Variants in DMD observed in about 807,000 individuals in gnomAD.
DMD encodes the protein dystrophin, also known as mutant dystrophin.
Under a neutral mutation model 330.1 loss-of-function variants are expected in DMD, and 63 were observed. That is an observed-to-expected ratio of 0.19 (90% CI 0.16 to 0.24). The LOEUF (loss-of-function observed/expected upper bound fraction) is 0.24. Among genes scored for constraint, DMD ranks in the 10% least tolerant of loss-of-function variants. The probability of loss-of-function intolerance (pLI) is 1.00; values close to 1 mark genes in which losing one functional copy is unlikely to be tolerated. For synonymous variants in DMD, 1,223 were observed against 959.8 expected, an observed-to-expected ratio of 1.27 and a Z score of -5.07; for missense variants, 3,344 against 2,684.1, an observed-to-expected ratio of 1.25 and a Z score of -5.43.
At chrX:33,023,829 A>T (rs2093955165) in intron 1 of DMD, among the ~76,000 whole-genome samples, 1 of 111,604 alleles carries the variant, frequency 9.0e-6, no homozygotes, top group Non-Finnish European at 1.9e-5. Context: ...ATAGTTTCAT[A>T]GAGTTCACTG....
rs186300831 is a variant in DMD, at chrX:32,672,445, C to G, written c.960+25425G>C. ...TATATTATTAAATCATGGGAAAACA[C>G]TGAACTCTTTCAAATACTACCATAA... On this transcript the variant is annotated intron_variant, in intron 9 of 78. Coordinates refer to ENST00000357033, the MANE Select transcript of DMD (RefSeq NM_004006.3). Among the ~76,000 whole-genome samples the G allele has an allele frequency of 3.6e-3, 396 of 111,304 alleles. 5 individuals are homozygous for G. The highest frequency in any genetic ancestry group is 0.03 in the Admixed American group (305 of 10,329).
intron 44 of DMD, among the ~76,000 whole-genome samples, chrX:32,054,088 T>TGAGA (rs751524877): frequency 0.024 from 1,649 of 69,499 alleles, 26 homozygotes; most frequent in Non-Finnish European, 0.034. Flanking sequence ...TGTGTGTGTG[T>TGAGA]GAGAGAGAGA....
intron 29 of DMD, among the ~76,000 whole-genome samples, chrX:32,437,734 T>A (rs971690536): frequency 1.8e-5 from 2 of 112,669 alleles, no homozygotes; most frequent in South Asian, 3.6e-4. Flanking sequence ...AAACACTGAC[T>A]AGGAGAAATT....
At chrX:31,371,023 A>AG (rs901175204) in intron 60 of DMD, among the ~76,000 whole-genome samples, 18 of 110,828 alleles carry the variant, frequency 1.6e-4, no homozygotes, top group Non-Finnish European at 2.8e-4. Context: ...AGTAGGAGGT[A>AG]GGGGGGGCAG....
At chrX:32,994,443 A>G (rs1193553263) in intron 2 of DMD, among the ~76,000 whole-genome samples, 1 of 111,862 alleles carries the variant, frequency 8.9e-6, no homozygotes, top group Non-Finnish European at 1.9e-5. Context: ...TTATTTAACT[A>G]TTCTCTGCTT....
intron 43 of DMD, among the ~76,000 whole-genome samples, chrX:32,259,409 T>C (rs1603629467): frequency 9.0e-6 from 1 of 111,359 alleles, no homozygotes. Flanking sequence ...ATACCCTATA[T>C]TGTATAATTT....
chrX:31,214,937 C>CTTTTTTCTTTT (rs1556299261), intron 64 of DMD, among the ~76,000 whole-genome samples: 5 of 38,089 alleles, frequency 1.3e-4, no homozygotes, highest in Admixed American at 4.2e-4. Context: ...TTTCTTTTTT[C>CTTTTTTCTTTT]TTTTTTTTTT....
chrX:31,129,495 G>T (rs1264200958), intron 77 of DMD, among the ~76,000 whole-genome samples: 4 of 111,962 alleles, frequency 3.6e-5, no homozygotes, highest in African/African-American at 1.3e-4. Context: ...AGCAGGGATT[G>T]GCAAATTTTC....
intron 60 of DMD, among the ~76,000 whole-genome samples, chrX:31,362,327 T>C (rs2058981934): frequency 8.9e-6 from 1 of 112,156 alleles, no homozygotes; most frequent in Non-Finnish European, 1.9e-5. Context: ...ACGTCACAAG[T>C]GGAAAATTTC....
Position 31,269,158 on chromosome X carries a change from C to T in DMD, c.9225-8142G>A, listed in dbSNP as rs1017965084. Among the ~76,000 whole-genome samples, 4 of 111,360 alleles carry T rather than the reference C, an allele frequency of 3.6e-5. No individual in the cohort carries two copies. In the East Asian group the frequency reaches 1.1e-3, roughly 31 times the overall value. On this transcript the variant is annotated intron_variant, in intron 62 of 78. Coordinates refer to ENST00000357033, the MANE Select transcript of DMD (RefSeq NM_004006.3). ...ATACTGAAAGTATTAAGAAATGACG[C>T]GGGCATCACAGAGACTGTTTTGTTG...
intron 13 of DMD, among the ~76,000 whole-genome samples, chrX:32,586,755 A>G: frequency 9.0e-6 from 1 of 111,084 alleles, no homozygotes; most frequent in Middle Eastern, 4.6e-3. Context: ...ACATCTGAAT[A>G]CCAGTGTCAG....
At chrX:32,836,411 T>C (rs1014049694) in intron 4 of DMD, among the ~76,000 whole-genome samples, 13 of 111,446 alleles carry the variant, frequency 1.2e-4, no homozygotes, top group Non-Finnish European at 2.4e-4. Flanking sequence ...ATACTTAATA[T>C]TTCCCTTCCA....
intron 44 of DMD, among the ~76,000 whole-genome samples, chrX:32,082,690 A>G (rs2096402797): frequency 8.9e-6 from 1 of 111,858 alleles, no homozygotes; most frequent in African/African-American, 3.3e-5. Flanking sequence ...CTACAACTAG[A>G]TTTTTCTACC....
At position 32,632,092 on chromosome X, in the gene DMD, A is replaced by C. The variant is rs186324462; in HGVS notation, c.1331+12040T>G. On this transcript the variant is annotated intron_variant, in intron 11 of 78. Coordinates refer to ENST00000357033, the MANE Select transcript of DMD (RefSeq NM_004006.3). ...ACCAATTAGTTACTTCCAAGATACA[A>C]TGGGATTATAAGCATTGAGTCAACA... 5.6e-3 allele frequency among the ~76,000 whole-genome samples: 630 copies of C among 112,389 alleles called. 4 individuals carry two copies. Among genetic ancestry groups the C allele is most frequent in the African/African-American group, 0.018 (561 of 30,952 alleles).
intron 51 of DMD, among the ~76,000 whole-genome samples, chrX:31,742,391 C>T (rs1389058381): frequency 8.9e-6 from 1 of 112,218 alleles, no homozygotes; most frequent in East Asian, 2.8e-4. Context: ...AAGTGACAAA[C>T]ATGTGACTCT....
chrX:31,256,554 T>G (rs1188635371), intron 63 of DMD, among the ~76,000 whole-genome samples: 1 of 82,153 alleles, frequency 1.2e-5, no homozygotes, highest in Non-Finnish European at 2.5e-5. Flanking sequence ...TCTTATATTG[T>G]TTTTTATCTA....
chrX:32,121,620 CATATATATATATATATATATATATAT>C (rs10535803), intron 44 of DMD, among the ~76,000 whole-genome samples: 10 of 36,420 alleles, frequency 2.7e-4, no homozygotes, highest in Non-Finnish European at 2.9e-4. Context: ...AATATGTGTG[CATATATATATATATATATATATATAT>C]ATATATATAT....
chrX:31,251,074 CTG>C (rs1199836071), intron 63 of DMD, among the ~76,000 whole-genome samples: 1 of 108,621 alleles, frequency 9.2e-6, no homozygotes, highest in East Asian at 2.9e-4. Flanking sequence ...GAGCAAGACT[CTG>C]TCTCAAAAAA....
intron 30 of DMD, among the ~76,000 whole-genome samples, chrX:32,402,558 A>G: frequency 9.0e-6 from 1 of 111,388 alleles, no homozygotes; most frequent in Non-Finnish European, 1.9e-5. Context: ...CACAACTTTT[A>G]TACTTCATTA....
Sources: allele counts gnomAD v4.1 joint callset (sites outside exome capture counted in the v4.1 genomes callset), GRCh38; gene constraint gnomAD v4.1.1; transcripts MANE v1.5; gene names NCBI Gene and HGNC (gene_info 2026-07-23, HGNC 2026-07-21).